The following INTS6L variants were observed in gnomAD, a reference collection of about 807,000 sequenced individuals.
INTS6L encodes integrator complex subunit 6 like.
A neutral mutation model predicts 64.7 loss-of-function variants in INTS6L; 18 were observed. The observed-to-expected ratio is 0.28, with a 90% CI of 0.19 to 0.41. The LOEUF (loss-of-function observed/expected upper bound fraction) is 0.41. Ranked by LOEUF, INTS6L falls within the 10% of genes least tolerant of loss-of-function variation. INTS6L has a pLI of 1.00. For synonymous variants in INTS6L, 227 were observed against 235.9 expected, an observed-to-expected ratio of 0.96 and a Z score of 0.34; for missense variants, 533 against 661.0, an observed-to-expected ratio of 0.81 and a Z score of 2.12.
intron 2 of INTS6L, among the ~76,000 whole-genome samples, chrX:135,533,607 G>A (rs782346028): frequency 4.6e-5 from 5 of 109,688 alleles, no homozygotes; most frequent in African/African-American, 1.0e-4. Context: ...GTGCCCATGT[G>A]TTCTCATGGA....
chrX:135,532,191 C>T (rs1460426503), intron 2 of INTS6L, among the ~76,000 whole-genome samples: 1 of 112,204 alleles, frequency 8.9e-6, no homozygotes, highest in African/African-American at 3.2e-5. Context: ...GCCCACATAA[C>T]TAGACAGTGG....
chrX:135,540,458 G>A (rs1173094593), intron 2 of INTS6L, among the ~76,000 whole-genome samples: 1 of 111,290 alleles, frequency 9.0e-6, no homozygotes, highest in Non-Finnish European at 1.9e-5. Flanking sequence ...ACCTTGGAGA[G>A]ACTTAAAATT....
At chrX:135,532,300 C>A (rs923333120) in intron 2 of INTS6L, among the ~76,000 whole-genome samples, 1 of 112,272 alleles carries the variant, frequency 8.9e-6, no homozygotes, top group Non-Finnish European at 1.9e-5. Context: ...AGGATGTTGG[C>A]GATATGCAGA....
intron 9 of INTS6L, among the ~76,000 whole-genome samples, chrX:135,563,633 G>GTGTATATATA (rs1556523326): frequency 1.9e-4 from 2 of 10,385 alleles, no homozygotes; most frequent in African/African-American, 3.7e-4. Flanking sequence ...GTGTGTGTGT[G>GTGTATATATA]TATATATATA....
intron 2 of INTS6L, among the ~76,000 whole-genome samples, chrX:135,531,685 G>GA (rs1361618786): frequency 9.0e-6 from 1 of 111,373 alleles, no homozygotes; most frequent in African/African-American, 3.3e-5. Flanking sequence ...GCTAACTTTC[G>GA]AAAAAAGTTG....
At chrX:135,555,824 A>G (rs1431874891) in intron 8 of INTS6L, among the ~76,000 whole-genome samples, 1 of 111,008 alleles carries the variant, frequency 9.0e-6, no homozygotes, top group African/African-American at 3.3e-5. Flanking sequence ...AGGATCTGGG[A>G]CCATAGGCAC....
intron 15 of INTS6L, among the ~76,000 whole-genome samples, chrX:135,577,949 C>T (rs1261700379): frequency 2.7e-5 from 3 of 112,398 alleles, no homozygotes; most frequent in Non-Finnish European, 3.8e-5. Flanking sequence ...GTGTGTGCAG[C>T]ACATTGCCAT....
intron 13 of INTS6L, among the ~76,000 whole-genome samples, 157 bp downstream of exon 13, chrX:135,574,219 AT>A (rs376640811): frequency 9.1e-4 from 96 of 105,859 alleles, no homozygotes; most frequent in African/African-American, 3.0e-3. Flanking sequence ...TACCAGGCAC[AT>A]TTTTTTTTTC....
chrX:135,557,091 A>G (rs1315769040), intron 9 of INTS6L, among the ~76,000 whole-genome samples: 2 of 111,905 alleles, frequency 1.8e-5, no homozygotes, highest in Non-Finnish European at 1.9e-5. Context: ...AGAATGAGTC[A>G]TCGTAAATGT....
intron 11 of INTS6L, 116 bp downstream of exon 11, chrX:135,570,662 T>C: frequency 1.2e-6 from 1 of 842,991 alleles, no homozygotes; most frequent in Admixed American, 3.5e-5. Flanking sequence ...CTACACTTTA[T>C]GGATTAGTAA....
chrX:135,581,716 G>C lies in INTS6L; in HGVS notation c.*80G>C. 1.2e-6 allele frequency: 1 copy of C among 847,495 alleles called. No homozygotes were observed. The highest frequency in any genetic ancestry group is 1.7e-6 in the Non-Finnish European group (1 of 591,571). The allele number at this position is 847,495 out of a possible 1,213,427, so 69.8% of individuals were successfully genotyped here. A position where few individuals can be genotyped will look rare whatever the true frequency, so the allele number is the denominator to read the frequency against. On this transcript the variant is annotated 3_prime_UTR_variant, in exon 18 of 18. Transcript: ENST00000639893. ...GGATATTGTTGAAGCCTCCTGGAAT[G>C]TTTGAGTCAAGGGAATTGCTTTCCA...
rs782465815 is a variant in INTS6L, at chrX:135,547,363, AT to A, written c.742+101del. On this transcript the variant is annotated intron_variant, in intron 6 of 17. Coordinates refer to ENST00000639893, the MANE Select transcript of INTS6L (RefSeq NM_001351601.3). Reference sequence around the variant, plus strand: ...GACACAGTCTTCACTATCCACGTGCATTTGAGTGGTTACAAACATACATCCA... The same window carrying A: ...GACACAGTCTTCACTATCCACGTGCATTGAGTGGTTACAAACATACATCCA... 2.7e-5 allele frequency: 26 copies of A among 953,748 alleles called. No individual in the cohort carries two copies. In the Admixed American group the frequency reaches 3.0e-4, roughly 11 times the overall value. 78.6% of individuals were successfully genotyped at this position (953,748 alleles called of 1,213,427 possible).
intron 2 of INTS6L, among the ~76,000 whole-genome samples, chrX:135,529,469 TA>T (rs2085843759): frequency 8.9e-6 from 1 of 111,884 alleles, no homozygotes; most frequent in South Asian, 3.7e-4. Flanking sequence ...TGACAGTCGT[TA>T]ACTTTCTCAA....
In INTS6L at chrX:135,551,977, TA is replaced by T; in HGVS notation, c.907-11del. 1 of 1,116,865 alleles carries T rather than the reference TA, an allele frequency of 9.0e-7. No individual in the cohort carries two copies. The highest frequency in any genetic ancestry group is 1.9e-5 in the African/African-American group (1 of 53,753). 92.0% of individuals were successfully genotyped at this position (1,116,865 alleles called of 1,213,427 possible). ...ACCTAACCATTTTTTCTGCTTTTTT[TA>T]AAAAATTTTTTTTAGCCTCCACGAA... On this transcript the variant is annotated splice_polypyrimidine_tract_variant and intron_variant, in intron 7 of 17. Transcript: ENST00000639893.
chrX:135,550,998 C>T (rs1018172420), intron 7 of INTS6L, among the ~76,000 whole-genome samples: 2 of 112,403 alleles, frequency 1.8e-5, no homozygotes. Flanking sequence ...TAGAATAAGA[C>T]ATTCCAAGTA....
At chrX:135,539,498 G>A (rs1040882217) in intron 2 of INTS6L, among the ~76,000 whole-genome samples, 2 of 111,740 alleles carry the variant, frequency 1.8e-5, no homozygotes, top group South Asian at 7.5e-4. Context: ...AGACCACTAA[G>A]TCTTTCTCCA....
intron 9 of INTS6L, among the ~76,000 whole-genome samples, chrX:135,562,925 C>T (rs377370222): frequency 9.0e-6 from 1 of 111,725 alleles, no homozygotes; most frequent in Non-Finnish European, 1.9e-5. Flanking sequence ...TTAATCCACT[C>T]TGCCAATCTT....
At chrX:135,542,271 G>A (rs1313348918) in intron 2 of INTS6L, among the ~76,000 whole-genome samples, 2 of 111,667 alleles carry the variant, frequency 1.8e-5, no homozygotes, top group Non-Finnish European at 3.8e-5. Context: ...GCCAAGGCAG[G>A]CAGATCACCT....
At chrX:135,566,323 T>C (rs1237558670) in intron 9 of INTS6L, among the ~76,000 whole-genome samples, 2 of 112,334 alleles carry the variant, frequency 1.8e-5, no homozygotes, top group African/African-American at 6.5e-5. Context: ...CTGTTGTTAT[T>C]ATTACTGTCA....
Sources: allele counts gnomAD v4.1 joint callset (sites outside exome capture counted in the v4.1 genomes callset), GRCh38; gene constraint gnomAD v4.1.1; transcripts MANE v1.5; gene names NCBI Gene and HGNC (gene_info 2026-07-23, HGNC 2026-07-21).